The following CRACD variants were observed in gnomAD, a reference collection of about 807,000 sequenced individuals.
CRACD encodes the protein capping protein inhibiting regulator of actin dynamics.
Under a neutral mutation model 106.8 loss-of-function variants are expected in CRACD, and 56 were observed. That is an observed-to-expected ratio of 0.52 (90% confidence interval 0.42 to 0.66). The LOEUF (loss-of-function observed/expected upper bound fraction) is 0.66. Ranked by LOEUF, CRACD falls within the 30% of genes least tolerant of loss-of-function variation. The pLI, the probability that CRACD is intolerant of heterozygous loss-of-function variation, is 0.00. For synonymous variants in CRACD, 754 were observed against 670.8 expected (o/e 1.12, Z -1.92); for missense variants, 1,730 against 1,623.2 (o/e 1.07, Z -1.13).
chr4:56,067,610 C>T (rs955833655), intron 1 of CRACD, among the ~76,000 whole-genome samples: 3 of 152,166 alleles, frequency 2.0e-5, no homozygotes, highest in Non-Finnish European at 4.4e-5. Context: ...TATTTTTGCT[C>T]TGTCACCCAG....
chr4:56,234,075 T>C lies in CRACD; in HGVS notation c.-188-38246T>C, dbSNP rs528035291. 4.6e-5 allele frequency among the ~76,000 whole-genome samples: 7 copies of C among 152,296 alleles called. No homozygotes were observed. The South Asian group carries it at 1.5e-3, about 32-fold the overall frequency. On this transcript the variant is annotated intron_variant, in intron 2 of 10. Coordinates refer to ENST00000682029, the MANE Select transcript of CRACD (RefSeq NM_001393381.1). ...TCACTAGATCTAGTAGACTCCATCA[T>C]TTTTAATAATAGCTTTATTGAGATA...
intron 1 of CRACD, among the ~76,000 whole-genome samples, chr4:56,156,244 G>A (rs1008242202): frequency 4.6e-5 from 7 of 152,336 alleles, no homozygotes; most frequent in African/African-American, 1.7e-4. Context: ...TTACAGGCAT[G>A]AGCCACCGCA....
intron 3 of CRACD, among the ~76,000 whole-genome samples, chr4:56,283,766 G>C (rs1006264349): frequency 6.6e-6 from 1 of 152,134 alleles, no homozygotes; most frequent in Non-Finnish European, 1.5e-5. Flanking sequence ...AGCCTCAACT[G>C]TACTTCTAGT....
intron 1 of CRACD, among the ~76,000 whole-genome samples, chr4:56,077,131 AT>A: frequency 6.6e-6 from 1 of 152,316 alleles, no homozygotes; most frequent in African/African-American, 2.4e-5. Context: ...AGACTGGGTA[AT>A]TTATAAAGAA....
intron 2 of CRACD, among the ~76,000 whole-genome samples, chr4:56,192,333 A>C (rs1737410351): frequency 6.6e-6 from 1 of 152,102 alleles, no homozygotes; most frequent in Non-Finnish European, 1.5e-5. Context: ...CAGAAGTTGC[A>C]GTGAGCCAAG....
At chr4:56,248,045 G>C (rs2109580444) in intron 2 of CRACD, among the ~76,000 whole-genome samples, 1 of 152,284 alleles carries the variant, frequency 6.6e-6, no homozygotes, top group East Asian at 1.9e-4. Context: ...GCACCAGAAT[G>C]TGGAATGAAT....
chr4:56,280,422 C>T (rs1742969674), intron 3 of CRACD, among the ~76,000 whole-genome samples: 1 of 152,174 alleles, frequency 6.6e-6, no homozygotes, highest in Non-Finnish European at 1.5e-5. Context: ...AATTCCTCTC[C>T]ATCCTTGAGT....
At chr4:56,210,921 A>C (rs1389963286) in intron 2 of CRACD, among the ~76,000 whole-genome samples, 4 of 152,176 alleles carry the variant, frequency 2.6e-5, no homozygotes, top group Non-Finnish European at 5.9e-5. Context: ...AGCTCACTTT[A>C]CCCTAAGGGC....
intron 2 of CRACD, among the ~76,000 whole-genome samples, chr4:56,194,659 A>G (rs906697485): frequency 3.3e-5 from 5 of 152,198 alleles, no homozygotes; most frequent in Non-Finnish European, 7.4e-5. Flanking sequence ...TGCCACATGA[A>G]GACACAGCAA....
rs746463472 is a variant in CRACD, at chr4:56,314,392, C to T, written c.890C>T (p.Ala297Val). 2 of 1,541,252 alleles carry T rather than the reference C, an allele frequency of 1.3e-6. No individual in the cohort carries two copies. Among genetic ancestry groups the T allele is most frequent in the Non-Finnish European group, 1.7e-6 (2 of 1,142,914 alleles). The change falls in exon 8 of 11, where the codon GCG (alanine) becomes GTG (valine). Residue 297 changes from alanine to valine, a missense_variant. By Grantham distance (64) the Ala-to-Val change is moderately conservative (BLOSUM62 0). This residue lies in a region of CRACD where 1,620 missense variants were observed against 1,481.6 expected (regional missense o/e 1.09). Coordinates refer to ENST00000682029, the MANE Select transcript of CRACD (RefSeq NM_001393381.1). The surrounding 1 kb of genome is among the most constrained non-coding windows in gnomAD (Gnocchi z 4.4). The part of the protein sequence containing the change: ...PREEQQRSLE[A>V]PGWEDAERRE... The stretch of plus-strand genomic sequence containing the variant: ...GAAGAGCAGCAGCGGAGCCTGGAAG[C>T]GCCAGGTTGGGAGGACGCGGAGCGG...
At chr4:56,293,153 T>C (rs1359600603) in intron 3 of CRACD, among the ~76,000 whole-genome samples, 1 of 152,160 alleles carries the variant, frequency 6.6e-6, no homozygotes, top group Non-Finnish European at 1.5e-5. Flanking sequence ...ATATCCAGTC[T>C]GAATCATATT....
intron 1 of CRACD, among the ~76,000 whole-genome samples, chr4:56,071,281 A>G (rs1732637817): frequency 1.3e-5 from 2 of 152,198 alleles, no homozygotes; most frequent in Admixed American, 1.3e-4. Context: ...GTGTACCTGC[A>G]GTAACCAGTA....
At chr4:56,081,336 A>G (rs1733020310) in intron 1 of CRACD, among the ~76,000 whole-genome samples, 1 of 152,216 alleles carries the variant, frequency 6.6e-6, no homozygotes, top group Non-Finnish European at 1.5e-5. Context: ...TAGCGCACTC[A>G]GGTAAATGGG....
intron 2 of CRACD, among the ~76,000 whole-genome samples, chr4:56,179,923 A>T (rs1347934777): frequency 6.6e-6 from 1 of 152,130 alleles, no homozygotes; most frequent in Non-Finnish European, 1.5e-5. Flanking sequence ...AGGCTGAGGC[A>T]GGAGAATCGC....
In CRACD at chr4:56,310,656, A is replaced by G; in HGVS notation, c.286-10A>G. On this transcript the variant is annotated splice_polypyrimidine_tract_variant and intron_variant, in intron 5 of 10. Coordinates refer to ENST00000682029, the MANE Select transcript of CRACD (RefSeq NM_001393381.1). ...AGGCCTTTGACTTGAATGCTCTCTT[A>G]CTGTTCCAGTCCAGTGATACGCCAA... 1 of 1,599,712 alleles carries G rather than the reference A, an allele frequency of 6.3e-7. No individual in the cohort carries two copies. Among genetic ancestry groups the G allele is most frequent in the Non-Finnish European group, 8.6e-7 (1 of 1,167,068 alleles).
At chr4:56,281,155 G>T (rs757953145) in intron 3 of CRACD, among the ~76,000 whole-genome samples, 8 of 152,262 alleles carry the variant, frequency 5.3e-5, no homozygotes, top group Non-Finnish European at 1.2e-4. Context: ...ACAGCAGGGG[G>T]TAAGTGGCAG....
chr4:56,282,271 C>A (rs1355906027), intron 3 of CRACD, among the ~76,000 whole-genome samples: 1 of 152,174 alleles, frequency 6.6e-6, no homozygotes, highest in Non-Finnish European at 1.5e-5. Context: ...TCTATGGTCC[C>A]AAATTACATG....
intron 1 of CRACD, among the ~76,000 whole-genome samples, chr4:56,103,456 A>G (rs568815138): frequency 2.0e-5 from 3 of 152,340 alleles, no homozygotes; most frequent in African/African-American, 7.2e-5. Flanking sequence ...ACCTCTGAAT[A>G]GATCTTAGCT....
chr4:56,188,218 A>G (rs73155182), intron 2 of CRACD, among the ~76,000 whole-genome samples: 13,339 of 152,216 alleles, frequency 0.088, 908 homozygotes, highest in African/African-American at 0.19. Context: ...TCAAAAATCG[A>G]TATCATTTTA....
Sources: gnomAD v4.1 joint callset for allele counts (sites outside exome capture counted in the v4.1 genomes callset) on GRCh38, gnomAD v4.1.1 for gene constraint, gnomAD v4.1.1 regional missense constraint, Gnocchi (gnomAD v3.1) non-coding constraint, MANE v1.5 for transcripts, NCBI Gene and HGNC (gene_info 2026-07-23, HGNC 2026-07-21) for gene names.